Variants in R3HDM2 observed in about 807,000 individuals in gnomAD.
R3HDM2 encodes the protein R3H domain-containing protein 2.
Under a neutral mutation model 124.5 loss-of-function variants are expected in R3HDM2, and 38 were observed. That is an observed-to-expected ratio of 0.31 (90% CI 0.24 to 0.40). The LOEUF is 0.40. R3HDM2 is among the 10% of genes least tolerant of loss of function. R3HDM2 has a pLI of 1.00. For missense variants in R3HDM2, 869 were observed against 1,236.9 expected, an observed-to-expected ratio of 0.70 and a Z score of 4.46; for synonymous variants, 391 against 448.0, an observed-to-expected ratio of 0.87 and a Z score of 1.61.
intron 2 of R3HDM2, among the ~76,000 whole-genome samples, chr12:57,321,090 G>A (rs980764523): frequency 1.3e-5 from 2 of 152,106 alleles, no homozygotes; most frequent in African/African-American, 4.8e-5. Flanking sequence ...AAAAAAGACT[G>A]AACTATAGGC....
At chr12:57,401,414 G>A (rs1415905823) in intron 1 of R3HDM2, among the ~76,000 whole-genome samples, 1 of 152,124 alleles carries the variant, frequency 6.6e-6, no homozygotes, top group Non-Finnish European at 1.5e-5. Context: ...CCCAATGCTA[G>A]ACATGTGAAT....
At chr12:57,269,236 C>A in intron 16 of R3HDM2, 87 bp downstream of exon 16, 1 of 1,572,620 alleles carries the variant, frequency 6.4e-7, no homozygotes, top group Non-Finnish European at 8.6e-7. Flanking sequence ...CTAGACCCAC[C>A]TTCATTTTAA....
At chr12:57,381,544 C>CAAAAAAAAAAAAAAAAAAAAAAAAA (rs66778122) in intron 2 of R3HDM2, among the ~76,000 whole-genome samples, 1 of 76,604 alleles carries the variant, frequency 1.3e-5, no homozygotes, top group African/African-American at 4.5e-5. Context: ...GACTCCATCT[C>CAAAAAAAAAAAAAAAAAAAAAAAAA]AAAAAAAAAA....
chr12:57,333,374 T>C (rs2058442856), intron 2 of R3HDM2, among the ~76,000 whole-genome samples: 1 of 152,034 alleles, frequency 6.6e-6, no homozygotes, highest in African/African-American at 2.4e-5. Flanking sequence ...CCGATGCAGA[T>C]TTAAAAGCTA....
At chr12:57,358,875 G>A (rs943275959) in intron 2 of R3HDM2, among the ~76,000 whole-genome samples, 3 of 151,544 alleles carry the variant, frequency 2.0e-5, no homozygotes, top group Non-Finnish European at 2.9e-5. Flanking sequence ...TCAGCACCCC[G>A]AGTAGCTGAG....
chr12:57,359,655 T>C (rs2061652741), intron 2 of R3HDM2, among the ~76,000 whole-genome samples: 1 of 152,132 alleles, frequency 6.6e-6, no homozygotes, highest in Non-Finnish European at 1.5e-5. Flanking sequence ...TTTTCACCTA[T>C]TGGTAGTGGT....
At chr12:57,353,523 A>C (rs1179837240) in intron 2 of R3HDM2, among the ~76,000 whole-genome samples, 1 of 152,182 alleles carries the variant, frequency 6.6e-6, no homozygotes, top group Non-Finnish European at 1.5e-5. Flanking sequence ...TGAATAGATA[A>C]AGCATAATTT....
At chr12:57,316,771 A>G (rs1230517363) in intron 2 of R3HDM2, among the ~76,000 whole-genome samples, 1 of 147,102 alleles carries the variant, frequency 6.8e-6, no homozygotes, top group Non-Finnish European at 1.5e-5. Context: ...TTTTTTTTAC[A>G]TGGAGTCTCA....
At chr12:57,317,666 G>A (rs2055394757) in intron 2 of R3HDM2, among the ~76,000 whole-genome samples, 2 of 68,996 alleles carry the variant, frequency 2.9e-5, no homozygotes, top group Admixed American at 2.3e-4. Context: ...TAAGAAGATA[G>A]TTAAAAAAAA....
At position 57,297,342 on chromosome 12, in the gene R3HDM2, A is replaced by G. The variant is rs1304435301; in HGVS notation, c.546T>C (p.Phe182=). The G allele has an allele frequency of 3.3e-6, 5 of 1,512,818 alleles. No homozygotes were observed. Among genetic ancestry groups the G allele is most frequent in the Non-Finnish European group, 4.5e-6 (5 of 1,113,616 alleles). 93.7% of individuals were successfully genotyped at this position (1,512,818 alleles called of 1,614,324 possible). A position where few individuals can be genotyped will look rare whatever the true frequency, so the allele number is the denominator to read the frequency against. ...AAGTAACTTACTTGTTGTCATTAAT[A>G]AATTCCAGAATCTCCTGTTCTAATT... ...LLKLEQEILE[F]INDNNNQFKK... Residue 182 remains phenylalanine (F), a synonymous_variant, in exon 8 of 24, where the codon TTT becomes TTC. Transcript: ENST00000402412.
At chr12:57,318,660 A>G (rs556559321) in intron 2 of R3HDM2, among the ~76,000 whole-genome samples, 1 of 152,152 alleles carries the variant, frequency 6.6e-6, no homozygotes, top group South Asian at 2.1e-4. Flanking sequence ...AAAAAAAAAG[A>G]AAGAAAAGAA....
Position 57,254,896 on chromosome 12 carries a change from G to A in R3HDM2, c.2850C>T (p.Phe950=), listed in dbSNP as rs1592271392. The change falls in exon 24 of 24, where the codon TTC becomes TTT. Residue 950 remains phenylalanine, a synonymous_variant. Transcript: ENST00000402412. The part of the protein sequence containing the change: ...LAALYTIVAV[F]PSPLAAQNAS... ...CATTTTGGGCAGCCAGGGGGCTGGG[G>A]AACACAGCCACAATGGTGTACAAGG... The A allele has an allele frequency of 6.2e-7, 1 of 1,614,122 alleles. No homozygotes were observed. The highest frequency in any genetic ancestry group is 2.2e-5 in the East Asian group (1 of 44,876).
Position 57,300,179 on chromosome 12 carries a change from A to G in R3HDM2, c.210T>C (p.Ser70=), listed in dbSNP as rs1385236495. Residue 70 remains serine, a splice_region_variant and synonymous_variant, in exon 5 of 24, where the codon TCT becomes TCC. Coordinates refer to ENST00000402412, the MANE Select transcript of R3HDM2 (RefSeq NM_001394031.1). ...NHGHARKRAK[S]NSKLKLVRSL... ...TACGCACCAACTTTAGCTTGGAATT[A>G]GACTGAAAAAAACAAAAAACAATTT... The G allele has an allele frequency of 1.9e-6, 3 of 1,551,252 alleles. No homozygotes were observed. Among genetic ancestry groups the G allele is most frequent in the Non-Finnish European group, 2.6e-6 (3 of 1,146,660 alleles).
intron 2 of R3HDM2, among the ~76,000 whole-genome samples, chr12:57,392,953 T>G (rs2066936828): frequency 6.8e-6 from 1 of 147,226 alleles, no homozygotes; most frequent in Admixed American, 6.8e-5. Context: ...TACAGGCACC[T>G]GCCACCACGC....
chr12:57,272,738 C>T (rs543307015), intron 14 of R3HDM2, among the ~76,000 whole-genome samples: 1 of 152,170 alleles, frequency 6.6e-6, no homozygotes, highest in Admixed American at 6.5e-5. Context: ...TGACCAAGCC[C>T]GGGACAGCTT....
chr12:57,428,604 G>C (rs926377472), intron 1 of R3HDM2, among the ~76,000 whole-genome samples: 3 of 152,016 alleles, frequency 2.0e-5, no homozygotes, highest in Non-Finnish European at 4.4e-5. Context: ...GCAGTGAGCC[G>C]AGATTGCACC....
intron 2 of R3HDM2, among the ~76,000 whole-genome samples, chr12:57,330,891 G>T (rs2058091210): frequency 6.6e-6 from 1 of 150,386 alleles, no homozygotes; most frequent in African/African-American, 2.5e-5. Flanking sequence ...AGTAGAGAAG[G>T]GGTTTCACCA....
chr12:57,352,282 T>C lies in R3HDM2; in HGVS notation c.-35-41819A>G, dbSNP rs1206037554. 6.2e-5 allele frequency among the ~76,000 whole-genome samples: 9 copies of C among 145,176 alleles called. No homozygotes were observed. In the Admixed American group the frequency reaches 6.2e-4, roughly 10 times the overall value. On this transcript the variant is annotated intron_variant, in intron 2 of 23. Transcript: ENST00000402412. The stretch of plus-strand genomic sequence containing the variant: ...AAAAAACAAATCTAGGGAAAAGAGA[T>C]CTTTAATGAAAAACTTATGAAATGT...
intron 2 of R3HDM2, among the ~76,000 whole-genome samples, chr12:57,353,004 G>C (rs1030685440): frequency 2.0e-5 from 3 of 152,030 alleles, no homozygotes; most frequent in Non-Finnish European, 2.9e-5. Context: ...GTAGATTAAA[G>C]ACCTACACAT....
Sources: gnomAD v4.1 joint callset for allele counts (sites outside exome capture counted in the v4.1 genomes callset) on GRCh38, gnomAD v4.1.1 for gene constraint, MANE v1.5 for transcripts, NCBI Gene and HGNC (gene_info 2026-07-23, HGNC 2026-07-21) for gene names.